PACRG: variants seen among roughly 807,000 people sequenced by gnomAD.
The protein encoded by PACRG is parkin coregulated.
Under a neutral mutation model 29.7 loss-of-function variants are expected in PACRG, and 29 were observed. The ratio of observed to expected loss-of-function variants is 0.98; its 90% CI spans 0.73 to 1.33. PACRG has a LOEUF of 1.33. PACRG is among the 40% of genes most tolerant of loss of function. PACRG has a pLI of 0.00. For missense variants in PACRG, 279 were observed against 316.2 expected (o/e 0.88, Z 0.89); for synonymous variants, 116 against 118.7 (o/e 0.98, Z 0.15).
At position 162,937,000 on chromosome 6, in the gene PACRG, C is replaced by T. The variant is rs1045828174; in HGVS notation, c.291+122719C>T. 9.9e-5 allele frequency among the ~76,000 whole-genome samples: 15 copies of T among 151,970 alleles called. 4 individuals carry two copies. Among genetic ancestry groups the T allele is most frequent in the Admixed American group, 7.9e-4 (12 of 15,254 alleles). ...AAAAAGGATACTTTTCTCATGAGAA[C>T]GAGATAAATGAGTTGAATTTGAAAT... On this transcript the variant is annotated intron_variant, in intron 2 of 4. Coordinates refer to ENST00000366888, the MANE Select transcript of PACRG (RefSeq NM_001080379.2).
intron 1 of PACRG, among the ~76,000 whole-genome samples, chr6:162,797,097 C>T (rs367675780): frequency 3.3e-5 from 5 of 151,984 alleles, no homozygotes; most frequent in East Asian, 1.9e-4. Flanking sequence ...GCCAACATGG[C>T]GACCCCCCGT....
At chr6:163,310,063 C>G (rs1785351058) in intron 4 of PACRG, 1 of 152,272 alleles carries the variant, frequency 6.6e-6, no homozygotes, top group South Asian at 2.1e-4. Context: ...CCAAATAACT[C>G]CTTTGTGTAT....
At chr6:163,184,259 G>A (rs1056012267) in intron 4 of PACRG, among the ~76,000 whole-genome samples, 8 of 152,162 alleles carry the variant, frequency 5.3e-5, no homozygotes, top group Non-Finnish European at 1.0e-4. Flanking sequence ...TAGAGTAACT[G>A]GAAGTTTTAA....
intron 1 of PACRG, among the ~76,000 whole-genome samples, chr6:162,737,992 A>G (rs1387250559): frequency 1.3e-5 from 2 of 152,174 alleles, no homozygotes; most frequent in African/African-American, 4.8e-5. Context: ...ACAAATAAAT[A>G]TAGAAATAGA....
At chr6:163,255,206 C>T (rs1330550336) in intron 4 of PACRG, among the ~76,000 whole-genome samples, 3 of 152,106 alleles carry the variant, frequency 2.0e-5, no homozygotes, top group East Asian at 1.9e-4. Flanking sequence ...GTTGGTGTCA[C>T]CTGGGAGGCT....
Position 163,002,103 on chromosome 6 carries a change from C to T in PACRG, c.292-60047C>T, listed in dbSNP as rs73609752. On this transcript the variant is annotated intron_variant, in intron 2 of 4. Transcript: ENST00000366888. ...CTGAGTGAAGGCAAATTTTTCAGAA[C>T]GACAGAATATTGTACACATTTCTTT... Among the ~76,000 whole-genome samples, 676 of 152,232 alleles carry T rather than the reference C, an allele frequency of 4.4e-3. 5 individuals are homozygous for T. Among genetic ancestry groups the T allele is most frequent in the African/African-American group, 0.015 (635 of 41,526 alleles).
rs146152878 is a variant in PACRG at position 162,853,176 on chromosome 6, T to C, written c.291+38895T>C. Among the ~76,000 whole-genome samples, 4 of 152,198 alleles carry C rather than the reference T, an allele frequency of 2.6e-5. No individual in the cohort carries two copies. Among genetic ancestry groups the C allele is most frequent in the Admixed American group, 1.3e-4 (2 of 15,292 alleles). On this transcript the variant is annotated intron_variant, in intron 2 of 4. Transcript: ENST00000366888. This position sits in a 1 kb window ranked among gnomAD's most constrained non-coding sequence, Gnocchi z 4.7. ...GCAGATCATCACTTTCAGAAAAGAG[T>C]ACACTGAACGTTTAAAATCTGGAAA...
At chr6:162,825,376 G>A (rs777750749) in intron 2 of PACRG, among the ~76,000 whole-genome samples, 7 of 152,046 alleles carry the variant, frequency 4.6e-5, no homozygotes, top group African/African-American at 1.7e-4. Flanking sequence ...CTGCATCTCC[G>A]TTCTCTTATT....
intron 2 of PACRG, among the ~76,000 whole-genome samples, chr6:163,027,952 G>A (rs983262442): frequency 2.6e-5 from 4 of 152,212 alleles, no homozygotes; most frequent in Non-Finnish European, 5.9e-5. Flanking sequence ...TTCAGCACTG[G>A]CTTCCCAGAT....
chr6:163,101,156 C>T, intron 4 of PACRG: 1 of 984,222 alleles, frequency 1.0e-6, no homozygotes, highest in Non-Finnish European at 1.2e-6. Flanking sequence ...GCCTCTGCCC[C>T]CGCCCCCCAA....
At chr6:163,008,833 T>G in intron 2 of PACRG, among the ~76,000 whole-genome samples, 1 of 151,920 alleles carries the variant, frequency 6.6e-6, no homozygotes, top group East Asian at 1.9e-4. Flanking sequence ...TGAGGATAAA[T>G]GTTGGCATCT....
At chr6:162,985,508 C>T (rs992514273) in intron 2 of PACRG, among the ~76,000 whole-genome samples, 5 of 151,910 alleles carry the variant, frequency 3.3e-5, no homozygotes, top group Admixed American at 6.6e-5. Context: ...ATCCAGCATC[C>T]CTCTATGATT....
chr6:163,100,840 A>G (rs907112654), intron 4 of PACRG: 1 of 984,732 alleles, frequency 1.0e-6, no homozygotes, highest in Non-Finnish European at 1.2e-6. Context: ...CATATTCTCT[A>G]GAAAAACTGC....
chr6:163,025,640 C>G (rs977334130), intron 2 of PACRG, among the ~76,000 whole-genome samples: 5 of 152,206 alleles, frequency 3.3e-5, no homozygotes, highest in African/African-American at 1.2e-4. Context: ...AAATATTAAA[C>G]CCAGCATAGT....
At chr6:163,119,321 T>C (rs1816159568) in intron 4 of PACRG, among the ~76,000 whole-genome samples, 1 of 152,218 alleles carries the variant, frequency 6.6e-6, no homozygotes, top group African/African-American at 2.4e-5. Flanking sequence ...ACTTGGGTAT[T>C]AACAGTACTT....
At chr6:163,179,426 G>A (rs1188073596) in intron 4 of PACRG, 3 of 305,364 alleles carry the variant, frequency 9.8e-6, no homozygotes, top group Non-Finnish European at 1.3e-5. Flanking sequence ...CTGGCAAATC[G>A]TGGTGGCTCA....
intron 1 of PACRG, among the ~76,000 whole-genome samples, chr6:162,780,689 A>G (rs1013838359): frequency 6.6e-6 from 1 of 152,148 alleles, no homozygotes; most frequent in Admixed American, 6.5e-5. Flanking sequence ...CTTACATTTT[A>G]ATAGAGACAT....
At chr6:163,309,607 C>T (rs1028473146) in intron 4 of PACRG, among the ~76,000 whole-genome samples, 1 of 152,198 alleles carries the variant, frequency 6.6e-6, no homozygotes, top group Non-Finnish European at 1.5e-5. Flanking sequence ...TCATCTCAGT[C>T]ACCTCTTAAC....
chr6:163,307,489 T>A (rs533963482), intron 4 of PACRG, among the ~76,000 whole-genome samples: 141 of 152,346 alleles, frequency 9.3e-4, no homozygotes, highest in African/African-American at 3.2e-3. Context: ...TTATTGTAAG[T>A]TTTGGTTGAA....
Sources: gnomAD v4.1 joint callset for allele counts (sites outside exome capture counted in the v4.1 genomes callset) on GRCh38, gnomAD v4.1.1 for gene constraint, Gnocchi (gnomAD v3.1) non-coding constraint, MANE v1.5 for transcripts, NCBI Gene and HGNC (gene_info 2026-07-23, HGNC 2026-07-21) for gene names.